The following PCDH17 variants were observed in gnomAD, a reference collection of about 807,000 sequenced individuals.
PCDH17 encodes the protein protocadherin 17, also known as protocadherin-17.
In PCDH17, 21 loss-of-function variants were observed where a neutral mutation model predicts 67.7. The observed-to-expected ratio is 0.31, with a 90% confidence interval of 0.22 to 0.45. The LOEUF is 0.45. PCDH17 is among the 20% of genes least tolerant of loss of function. The pLI is 1.00. For synonymous variants in PCDH17, 701 were observed against 656.7 expected, an observed-to-expected ratio of 1.07 and a Z score of -1.03; for missense variants, 1,471 against 1,564.8, an observed-to-expected ratio of 0.94 and a Z score of 1.01.
At position 57,725,370 on chromosome 13, in the gene PCDH17, C is replaced by A. The variant is rs1163726358; in HGVS notation, c.*76C>A. On this transcript the variant is annotated 3_prime_UTR_variant, in exon 4 of 4. Coordinates refer to ENST00000377918, the MANE Select transcript of PCDH17 (RefSeq NM_001040429.3). Reference sequence around the variant, plus strand: ...TAAAAATGATCCCTCCTGGTGATAACCCATTTTACAGGGATGAAGAAAGAC... The same window carrying A: ...TAAAAATGATCCCTCCTGGTGATAAACCATTTTACAGGGATGAAGAAAGAC... 2.3e-6 allele frequency: 3 copies of A among 1,326,742 alleles called. No homozygotes were observed. The highest frequency in any genetic ancestry group is 2.1e-6 in the Non-Finnish European group (2 of 966,038). The allele number at this position is 1,326,742 out of a possible 1,614,324, so 82.2% of individuals were successfully genotyped here.
intron 3 of PCDH17, among the ~76,000 whole-genome samples, chr13:57,704,762 AT>A (rs1955703586): frequency 6.6e-6 from 1 of 152,058 alleles, no homozygotes; most frequent in South Asian, 2.1e-4. Context: ...ACGATGAGAT[AT>A]TTTATTGCAT....
chr13:57,689,227 A>G (rs529401867), intron 3 of PCDH17, among the ~76,000 whole-genome samples: 2 of 152,188 alleles, frequency 1.3e-5, no homozygotes, highest in Non-Finnish European at 2.9e-5. Context: ...GGAATATGTC[A>G]TTCTAGTCAA....
At chr13:57,683,474 A>C (rs914981230) in intron 3 of PCDH17, among the ~76,000 whole-genome samples, 9 of 151,894 alleles carry the variant, frequency 5.9e-5, no homozygotes, top group Non-Finnish European at 8.8e-5. Context: ...GCAGATGCTC[A>C]GAATATAATG....
chr13:57,650,185 A>T (rs1169816745), intron 1 of PCDH17, among the ~76,000 whole-genome samples: 1 of 151,202 alleles, frequency 6.6e-6, no homozygotes, highest in Non-Finnish European at 1.5e-5. Flanking sequence ...AGCCCAGATG[A>T]GATGTAAATA....
intron 1 of PCDH17, among the ~76,000 whole-genome samples, chr13:57,646,029 C>T (rs757114068): frequency 3.9e-4 from 59 of 151,430 alleles, no homozygotes; most frequent in Admixed American, 1.3e-3. Context: ...AAACCATAAA[C>T]AGTTATTTTG....
intron 1 of PCDH17, among the ~76,000 whole-genome samples, chr13:57,637,906 G>A (rs1200615115): frequency 2.0e-5 from 3 of 151,978 alleles, no homozygotes; most frequent in Admixed American, 2.0e-4. Flanking sequence ...AGGCATAGGA[G>A]TACTTTTACT....
intron 3 of PCDH17, among the ~76,000 whole-genome samples, chr13:57,677,392 T>C (rs1955403659): frequency 1.3e-5 from 2 of 151,902 alleles, no homozygotes; most frequent in African/African-American, 2.4e-5. Context: ...GAAGATTTCA[T>C]GTAAGAGTTA....
chr13:57,685,978 A>C (rs954185117), intron 3 of PCDH17, among the ~76,000 whole-genome samples: 1 of 151,732 alleles, frequency 6.6e-6, no homozygotes, highest in Non-Finnish European at 1.5e-5. Flanking sequence ...AGTCCAAACT[A>C]CTCAGGAGGT....
intron 3 of PCDH17, among the ~76,000 whole-genome samples, chr13:57,676,498 T>C (rs1955392547): frequency 6.6e-6 from 1 of 151,814 alleles, no homozygotes; most frequent in Non-Finnish European, 1.5e-5. Context: ...GCAATTACAG[T>C]TTGGCAATCA....
chr13:57,704,532 T>C (rs760263216), intron 3 of PCDH17, among the ~76,000 whole-genome samples: 2 of 149,640 alleles, frequency 1.3e-5, no homozygotes, highest in Non-Finnish European at 3.0e-5. Context: ...TTCCCTATTG[T>C]AAAGCCCAGC....
intron 1 of PCDH17, among the ~76,000 whole-genome samples, chr13:57,649,109 T>C (rs1335036427): frequency 1.3e-5 from 2 of 152,092 alleles, no homozygotes; most frequent in Non-Finnish European, 2.9e-5. Context: ...AATATTTATA[T>C]AGTGATGAGC....
chr13:57,688,598 T>A (rs1428789135), intron 3 of PCDH17, among the ~76,000 whole-genome samples: 1 of 152,088 alleles, frequency 6.6e-6, no homozygotes, highest in African/African-American at 2.4e-5. Context: ...TCTGTTAGGA[T>A]GTATGAGTAT....
chr13:57,674,458 G>A (rs115939950), intron 3 of PCDH17, among the ~76,000 whole-genome samples: 2,960 of 151,722 alleles, frequency 0.02, 100 homozygotes, highest in African/African-American at 0.068. Context: ...TTCAAAGTAG[G>A]ACTACAGACA....
At chr13:57,654,043 C>A (rs907399689) in intron 1 of PCDH17, among the ~76,000 whole-genome samples, 4 of 152,056 alleles carry the variant, frequency 2.6e-5, no homozygotes, top group Non-Finnish European at 4.4e-5. Flanking sequence ...TTTTTCTAAA[C>A]TATGACCTAA....
intron 3 of PCDH17, among the ~76,000 whole-genome samples, chr13:57,678,992 G>T (rs1202887336): frequency 6.6e-6 from 1 of 151,326 alleles, no homozygotes; most frequent in Non-Finnish European, 1.5e-5. Flanking sequence ...TGGATTCTGT[G>T]ACAGTATCCA....
At chr13:57,643,542 C>G (rs1954929174) in intron 1 of PCDH17, among the ~76,000 whole-genome samples, 1 of 151,480 alleles carries the variant, frequency 6.6e-6, no homozygotes, top group African/African-American at 2.4e-5. Context: ...CTTCTTGGGT[C>G]CCACCAGAAT....
At chr13:57,711,685 G>A (rs1955777741) in intron 3 of PCDH17, among the ~76,000 whole-genome samples, 3 of 151,168 alleles carry the variant, frequency 2.0e-5, no homozygotes, top group Admixed American at 6.6e-5. Flanking sequence ...AATTGTTGAG[G>A]CTACTGAATG....
At chr13:57,700,507 C>G (rs1025666040) in intron 3 of PCDH17, among the ~76,000 whole-genome samples, 2 of 151,684 alleles carry the variant, frequency 1.3e-5, no homozygotes, top group East Asian at 3.9e-4. Flanking sequence ...TTAGTAGAGA[C>G]GGGGTTTCAT....
intron 3 of PCDH17, among the ~76,000 whole-genome samples, chr13:57,677,538 G>A (rs1460050091): frequency 2.6e-5 from 4 of 151,780 alleles, no homozygotes; most frequent in African/African-American, 9.7e-5. Context: ...GTATTCAGAG[G>A]AGAATGGACA....
Sources: gnomAD v4.1 joint callset for allele counts (sites outside exome capture counted in the v4.1 genomes callset) on GRCh38, gnomAD v4.1.1 for gene constraint, MANE v1.5 for transcripts, NCBI Gene and HGNC (gene_info 2026-07-23, HGNC 2026-07-21) for gene names.